The following COL4A6 variants were observed in gnomAD, a reference collection of about 807,000 sequenced individuals.
COL4A6 encodes the protein collagen alpha-6(IV) chain.
In COL4A6, 59 loss-of-function variants were observed where a neutral mutation model predicts 126.7. The observed-to-expected ratio is 0.47, with a 90% CI of 0.38 to 0.58. COL4A6 has a LOEUF of 0.58. Ranked by LOEUF, COL4A6 falls within the 20% of genes least tolerant of loss-of-function variation. The pLI is 0.00. For synonymous variants in COL4A6, 547 were observed against 496.6 expected (o/e 1.10, Z -1.35); for missense variants, 1,285 against 1,337.3 (o/e 0.96, Z 0.61).
At chrX:108,284,490 T>C in intron 3 of COL4A6, among the ~76,000 whole-genome samples, 1 of 111,715 alleles carries the variant, frequency 9.0e-6, no homozygotes, top group Non-Finnish European at 1.9e-5. Context: ...CATGATCCAA[T>C]ATAGTAAAGC....
intron 2 of COL4A6, among the ~76,000 whole-genome samples, chrX:108,357,598 C>T (rs1341288172): frequency 9.0e-6 from 1 of 111,671 alleles, no homozygotes; most frequent in African/African-American, 3.3e-5. Context: ...CCATGGCATA[C>T]GTGTCCCTCC....
At chrX:108,338,425 T>C (rs1337332431) in intron 2 of COL4A6, among the ~76,000 whole-genome samples, 1 of 112,172 alleles carries the variant, frequency 8.9e-6, no homozygotes, top group Admixed American at 9.4e-5. Flanking sequence ...TGAAGACTTG[T>C]AATCTTTGTA....
At chrX:108,410,710 C>A (rs2041308919) in intron 2 of COL4A6, among the ~76,000 whole-genome samples, 1 of 111,181 alleles carries the variant, frequency 9.0e-6, no homozygotes, top group Non-Finnish European at 1.9e-5. Flanking sequence ...ATTAATATTT[C>A]TTTGACAACT....
At chrX:108,428,763 A>T (rs2064129412) in intron 2 of COL4A6, among the ~76,000 whole-genome samples, 1 of 111,809 alleles carries the variant, frequency 8.9e-6, no homozygotes, top group Non-Finnish European at 1.9e-5. Flanking sequence ...AGTTTGTAAA[A>T]TTTAAAATCC....
chrX:108,203,220 AT>A lies in COL4A6; in HGVS notation c.781-240del, dbSNP rs777723164. On this transcript the variant is annotated intron_variant, in intron 12 of 44. Transcript: ENST00000334504. ...ATGGACCATAACTGTCTAAAACAGAATGTCAAATACTGAGGCTAATTGGGAG... is the reference window on the plus strand; with the variant it reads ...ATGGACCATAACTGTCTAAAACAGAAGTCAAATACTGAGGCTAATTGGGAG... Among the ~76,000 whole-genome samples the A allele has an allele frequency of 3.6e-3, 408 of 112,184 alleles. 2 individuals carry two copies. The highest frequency in any genetic ancestry group is 0.013 in the African/African-American group (388 of 30,933).
intron 3 of COL4A6, among the ~76,000 whole-genome samples, chrX:108,240,730 ATTACTGTTC>A (rs1450564224): frequency 1.2e-4 from 13 of 112,425 alleles, no homozygotes; most frequent in Non-Finnish European, 2.4e-4. Flanking sequence ...TGCTTTGAAA[ATTACTGTTC>A]ATGCAATTTT....
intron 3 of COL4A6, among the ~76,000 whole-genome samples, chrX:108,279,922 T>A (rs1228852690): frequency 1.8e-5 from 2 of 111,169 alleles, no homozygotes; most frequent in Non-Finnish European, 3.8e-5. Context: ...GAAGGCAGAA[T>A]TAAAGATGTT....
intron 3 of COL4A6, among the ~76,000 whole-genome samples, chrX:108,263,163 G>A (rs2037211183): frequency 9.0e-6 from 1 of 110,949 alleles, no homozygotes; most frequent in African/African-American, 3.3e-5. Flanking sequence ...GACTAACTCA[G>A]GGACTAAATC....
chrX:108,427,688 T>G (rs1244075456), intron 2 of COL4A6, among the ~76,000 whole-genome samples: 1 of 111,612 alleles, frequency 9.0e-6, no homozygotes, highest in African/African-American at 3.3e-5. Context: ...AATTTGTGTT[T>G]TAGAATAAGC....
At chrX:108,212,658 T>C (rs1456155762) in intron 6 of COL4A6, among the ~76,000 whole-genome samples, 2 of 111,211 alleles carry the variant, frequency 1.8e-5, no homozygotes, top group Non-Finnish European at 3.8e-5. Flanking sequence ...GTTTTTTTTT[T>C]CTCACTTTTT....
intron 40 of COL4A6, among the ~76,000 whole-genome samples, chrX:108,164,107 A>G (rs1469058229): frequency 3.6e-5 from 4 of 111,623 alleles, no homozygotes; most frequent in African/African-American, 1.3e-4. Context: ...AGTGACCACT[A>G]GGGTCGGGGG....
chrX:108,233,421 T>C (rs140443999), intron 3 of COL4A6, among the ~76,000 whole-genome samples: 542 of 110,983 alleles, frequency 4.9e-3, no homozygotes, highest in African/African-American at 0.017. Context: ...GTTTTGGGAG[T>C]GAGAGGTAAC....
chrX:108,238,034 A>ATATCTATCTATCTATC (rs59088315), intron 3 of COL4A6, among the ~76,000 whole-genome samples: 9 of 86,502 alleles, frequency 1.0e-4, no homozygotes, highest in Admixed American at 2.7e-4. Flanking sequence ...TCACCTCTCT[A>ATATCTATCTATCTATC]TATCTATCTA....
At chrX:108,274,804 C>T (rs1270766769) in intron 3 of COL4A6, among the ~76,000 whole-genome samples, 1 of 111,493 alleles carries the variant, frequency 9.0e-6, no homozygotes, top group African/African-American at 3.3e-5. Context: ...AGCCACATGG[C>T]CCTCTCACAG....
At chrX:108,186,455 T>C (rs1219537365) in intron 23 of COL4A6, among the ~76,000 whole-genome samples, 1 of 112,225 alleles carries the variant, frequency 8.9e-6, no homozygotes. Flanking sequence ...AATGGAAGCA[T>C]AGAAGTTGTG....
chrX:108,222,384 C>T (rs755638764), intron 3 of COL4A6, among the ~76,000 whole-genome samples: 1 of 112,471 alleles, frequency 8.9e-6, no homozygotes, highest in Middle Eastern at 4.2e-3. Flanking sequence ...GGCCCCTTTA[C>T]TGACTGTCCA....
chrX:108,203,810 G>A (rs1436499107), intron 12 of COL4A6, among the ~76,000 whole-genome samples: 1 of 112,292 alleles, frequency 8.9e-6, no homozygotes, highest in East Asian at 2.8e-4. Flanking sequence ...TGGTAGTTCA[G>A]ATCTGGTAAA....
chrX:108,406,067 A>C (rs1490878826), intron 2 of COL4A6, among the ~76,000 whole-genome samples: 1 of 111,440 alleles, frequency 9.0e-6, no homozygotes, highest in Admixed American at 9.5e-5. Flanking sequence ...TCCTGGGCTC[A>C]AGTGATCTTC....
At chrX:108,192,425 A>G in intron 18 of COL4A6, 48 bp downstream of exon 18, 1 of 927,662 alleles carries the variant, frequency 1.1e-6, no homozygotes, top group African/African-American at 1.9e-5. Context: ...TGGGAACCAC[A>G]GTGTATAGAG....
Sources: allele counts gnomAD v4.1 joint callset (sites outside exome capture counted in the v4.1 genomes callset), GRCh38; gene constraint gnomAD v4.1.1; transcripts MANE v1.5; gene names NCBI Gene and HGNC (gene_info 2026-07-23, HGNC 2026-07-21).